The following AFG1L variants were observed in gnomAD, a reference collection of about 807,000 sequenced individuals.
AFG1L encodes AFG1-like ATPase.
A neutral mutation model predicts 62.2 loss-of-function variants in AFG1L; 53 were observed. That is an observed-to-expected ratio of 0.85 (90% confidence interval 0.68 to 1.07). The LOEUF (loss-of-function observed/expected upper bound fraction) is 1.07. Among genes scored for constraint, AFG1L ranks in the 50% least tolerant of loss-of-function variants. The pLI is 0.00. For missense variants in AFG1L, 555 were observed against 590.5 expected, an observed-to-expected ratio of 0.94 and a Z score of 0.62; for synonymous variants, 228 against 210.3, an observed-to-expected ratio of 1.08 and a Z score of -0.73.
At chr6:108,486,504 G>A (rs895270326) in intron 10 of AFG1L, among the ~76,000 whole-genome samples, 2 of 152,078 alleles carry the variant, frequency 1.3e-5, no homozygotes, top group African/African-American at 4.8e-5. Flanking sequence ...AAATGGCTTG[G>A]TGAAGATATT....
At chr6:108,426,160 A>G (rs1770804973) in intron 7 of AFG1L, among the ~76,000 whole-genome samples, 2 of 152,050 alleles carry the variant, frequency 1.3e-5, no homozygotes, top group African/African-American at 4.8e-5. Context: ...GTTATTCCAG[A>G]GTGGTAATTA....
intron 8 of AFG1L, among the ~76,000 whole-genome samples, chr6:108,471,468 C>CTTTTT (rs56375345): frequency 2.7e-4 from 27 of 100,316 alleles, no homozygotes; most frequent in Non-Finnish European, 4.5e-4. Flanking sequence ...TGTTCTTCTT[C>CTTTTT]TTTTTTTTTT....
chr6:108,420,801 T>G (rs1452762866), intron 7 of AFG1L, among the ~76,000 whole-genome samples: 1 of 152,182 alleles, frequency 6.6e-6, no homozygotes, highest in Non-Finnish European at 1.5e-5. Context: ...TGCTTACATG[T>G]AAAATATATA....
chr6:108,391,693 A>G (rs55977428), intron 6 of AFG1L, among the ~76,000 whole-genome samples: 6,116 of 152,144 alleles, frequency 0.04, 381 homozygotes, highest in African/African-American at 0.14. Flanking sequence ...CTTGGTCATG[A>G]AGTCTTTGTC....
intron 7 of AFG1L, among the ~76,000 whole-genome samples, chr6:108,416,778 G>A (rs1337819875): frequency 1.3e-5 from 2 of 152,148 alleles, no homozygotes; most frequent in African/African-American, 4.8e-5. Context: ...CTGTCATGCG[G>A]TGTGGGGAGA....
chr6:108,479,704 T>C (rs962649618), intron 10 of AFG1L, among the ~76,000 whole-genome samples: 2 of 152,194 alleles, frequency 1.3e-5, no homozygotes, highest in Non-Finnish European at 2.9e-5. Flanking sequence ...ATAATGATCT[T>C]ATGAGCCAGG....
chr6:108,424,598 A>G (rs1770734040), intron 7 of AFG1L, among the ~76,000 whole-genome samples: 1 of 152,206 alleles, frequency 6.6e-6, no homozygotes, highest in Non-Finnish European at 1.5e-5. Flanking sequence ...ATTATTATAT[A>G]GCATATAAAA....
intron 1 of AFG1L, among the ~76,000 whole-genome samples, chr6:108,309,099 T>C (rs1263640430): frequency 6.6e-6 from 1 of 152,190 alleles, no homozygotes; most frequent in Non-Finnish European, 1.5e-5. Context: ...GTCACGAAGG[T>C]ATTTTCATAT....
chr6:108,396,410 T>C (rs1218690089), intron 6 of AFG1L, among the ~76,000 whole-genome samples: 1 of 152,220 alleles, frequency 6.6e-6, no homozygotes, highest in East Asian at 1.9e-4. Context: ...AATTGCATTA[T>C]ATTTACAGCT....
intron 1 of AFG1L, among the ~76,000 whole-genome samples, chr6:108,317,449 G>A (rs973541685): frequency 6.6e-6 from 1 of 152,148 alleles, no homozygotes; most frequent in Non-Finnish European, 1.5e-5. Context: ...GACCAGTTGA[G>A]TCATGAGTCA....
chr6:108,510,282 A>C lies in AFG1L; in HGVS notation c.1133A>C (p.Gln378Pro). The change falls in exon 11 of 13, where the codon CAA (glutamine) becomes CCA (proline). Residue 378 changes from glutamine to proline, a missense_variant. Gln to Pro is a moderately conservative substitution (Grantham distance 76). Coordinates refer to ENST00000368977, the MANE Select transcript of AFG1L (RefSeq NM_145315.5). Reference sequence around the variant, plus strand: ...ACAATATTTTTACGAAACATTCCGCAATTTACTCTGGCAAACAGGACTCAA... The same window carrying C: ...ACAATATTTTTACGAAACATTCCGCCATTTACTCTGGCAAACAGGACTCAA... ...FDTIFLRNIP[Q>P]FTLANRTQGR... 1 of 1,612,376 alleles carries C rather than the reference A, an allele frequency of 6.2e-7. No individual in the cohort carries two copies.
chr6:108,402,154 AT>A, intron 7 of AFG1L, 100 bp downstream of exon 7: 2 of 589,590 alleles, frequency 3.4e-6, no homozygotes, highest in South Asian at 5.6e-5. Context: ...AGCAGAATTT[AT>A]TTTGGCATTT....
chr6:108,356,412 A>G (rs1779289466), intron 4 of AFG1L, among the ~76,000 whole-genome samples: 1 of 152,206 alleles, frequency 6.6e-6, no homozygotes, highest in Non-Finnish European at 1.5e-5. Context: ...GATGCATCTA[A>G]TCACTTGTCT....
At chr6:108,374,334 A>C (rs2114528213) in intron 6 of AFG1L, among the ~76,000 whole-genome samples, 1 of 152,232 alleles carries the variant, frequency 6.6e-6, no homozygotes, top group East Asian at 1.9e-4. Context: ...GAAGTTCTTT[A>C]GTTTAATTAG....
chr6:108,496,610 C>T (rs1346995832), intron 10 of AFG1L, among the ~76,000 whole-genome samples: 3 of 152,112 alleles, frequency 2.0e-5, no homozygotes, highest in African/African-American at 7.2e-5. Flanking sequence ...AAATAACGCA[C>T]AGTAAATATA....
At position 108,422,933 on chromosome 6, in the gene AFG1L, C is replaced by T. The variant is rs150334151; in HGVS notation, c.807+20879C>T. On this transcript the variant is annotated intron_variant, in intron 7 of 12. Coordinates refer to ENST00000368977, the MANE Select transcript of AFG1L (RefSeq NM_145315.5). ...ACTTAACCCATTTTGCATATTGTGCCATTTGTAGAATAAAGTAGCCTTTTA... is the reference window on the plus strand; with the variant it reads ...ACTTAACCCATTTTGCATATTGTGCTATTTGTAGAATAAAGTAGCCTTTTA... 4.9e-3 allele frequency among the ~76,000 whole-genome samples: 752 copies of T among 152,054 alleles called. 2 individuals are homozygous for T. Among genetic ancestry groups the T allele is most frequent in the Middle Eastern group, 0.017 (5 of 294 alleles).
chr6:108,406,267 A>T (rs1193435336), intron 7 of AFG1L, among the ~76,000 whole-genome samples: 1 of 150,106 alleles, frequency 6.7e-6, no homozygotes, highest in Non-Finnish European at 1.5e-5. Flanking sequence ...CAAGCATTCC[A>T]GTTTCTCTGC....
chr6:108,496,759 C>T (rs1773988103), intron 10 of AFG1L, among the ~76,000 whole-genome samples: 2 of 152,086 alleles, frequency 1.3e-5, no homozygotes, highest in Admixed American at 1.3e-4. Context: ...TTAAACATAC[C>T]TCTAAGTCTT....
chr6:108,421,120 ACAT>A (rs1457397612), intron 7 of AFG1L, among the ~76,000 whole-genome samples: 1 of 152,184 alleles, frequency 6.6e-6, no homozygotes, highest in South Asian at 2.1e-4. Context: ...AATCCAATAA[ACAT>A]TTCATTTAGA....
Sources: allele counts gnomAD v4.1 joint callset (sites outside exome capture counted in the v4.1 genomes callset), GRCh38; gene constraint gnomAD v4.1.1; transcripts MANE v1.5; gene names NCBI Gene and HGNC (gene_info 2026-07-23, HGNC 2026-07-21).